The following CYFIP2 variants were observed in gnomAD, a reference collection of about 807,000 sequenced individuals.
The protein encoded by CYFIP2 is cytoplasmic FMR1-interacting protein 2.
A neutral mutation model predicts 158.7 loss-of-function variants in CYFIP2; 29 were observed. That is an observed-to-expected ratio of 0.18 (90% CI 0.14 to 0.25). CYFIP2 has a LOEUF of 0.25. Ranked by LOEUF, CYFIP2 falls within the 10% of genes least tolerant of loss-of-function variation. CYFIP2 has a pLI of 1.00. For missense variants in CYFIP2, 852 were observed against 1,639.5 expected (o/e 0.52, Z 8.29); for synonymous variants, 585 against 617.6 (o/e 0.95, Z 0.78).
rs1311145587 is a variant in CYFIP2, at chr5:157,394,019, A to C, written c.*1019A>C. ...AATTGTCAATGAGCTTTTAATACCAAGATACACCCCCTGCCCCCAAAGAAG... is the reference window on the plus strand; with the variant it reads ...AATTGTCAATGAGCTTTTAATACCACGATACACCCCCTGCCCCCAAAGAAG... On this transcript the variant is annotated 3_prime_UTR_variant, in exon 31 of 31. Coordinates refer to ENST00000620254, the MANE Select transcript of CYFIP2 (RefSeq NM_001037333.3). 1.3e-5 allele frequency: 2 copies of C among 152,202 alleles called. No homozygotes were observed. Among genetic ancestry groups the C allele is most frequent in the Admixed American group, 1.3e-4 (2 of 15,284 alleles). The allele number at this position is 152,202 out of a possible 1,614,324, so 9.4% of individuals were successfully genotyped here. A position where few individuals can be genotyped will look rare whatever the true frequency, so the allele number is the denominator to read the frequency against.
chr5:157,337,295 C>A (rs1761924937), intron 21 of CYFIP2, among the ~76,000 whole-genome samples: 1 of 152,148 alleles, frequency 6.6e-6, no homozygotes, highest in Non-Finnish European at 1.5e-5. Context: ...GATGCTGTTC[C>A]AGAATTGAAA....
intron 24 of CYFIP2, 59 bp from the exon 25 acceptor site, chr5:157,360,223 C>T (rs994695267): frequency 9.8e-5 from 142 of 1,443,840 alleles, no homozygotes; most frequent in Non-Finnish European, 1.3e-4. Context: ...CTCAGCATAA[C>T]CTCCATACCC....
Position 157,311,696 on chromosome 5 carries a change from A to G in CYFIP2, c.1025A>G (p.Gln342Arg), listed in dbSNP as rs748322670. 2 of 1,610,958 alleles carry G rather than the reference A, an allele frequency of 1.2e-6. No individual in the cohort carries two copies. The highest frequency in any genetic ancestry group is 1.7e-6 in the Non-Finnish European group (2 of 1,178,634). ...TGCACCCAGAGCAGCATCAGCCCCC[A>G]GTACAATATCTGCGAGCAGATGGTT... is the stretch of plus-strand genomic sequence containing the variant. Reference protein sequence around the residue: ...WTCTQSSISPQYNICEQMVQI... With the variant: ...WTCTQSSISPRYNICEQMVQI... Residue 342 changes from glutamine to arginine, a missense_variant, in exon 11 of 31, where the codon CAG becomes CGG. By Grantham distance (43) the Gln-to-Arg change is conservative (BLOSUM62 1). Transcript: ENST00000620254. This position sits in a 1 kb window ranked among gnomAD's most constrained non-coding sequence, Gnocchi z 4.7.
intron 26 of CYFIP2, chr5:157,364,264 T>C (rs986212838): frequency 2.0e-5 from 3 of 151,892 alleles, no homozygotes; most frequent in Admixed American, 2.0e-4. Flanking sequence ...GCACCTCTTT[T>C]CATGAGGAAC....
rs1307437850 is a variant in CYFIP2, at chr5:157,334,943, C to T, written c.2385+1497C>T. 3.9e-5 allele frequency among the ~76,000 whole-genome samples: 6 copies of T among 152,316 alleles called. No individual in the cohort carries two copies. The East Asian group carries it at 1.2e-3, about 29-fold the overall frequency. On this transcript the variant is annotated intron_variant, in intron 21 of 30. Coordinates refer to ENST00000620254, the MANE Select transcript of CYFIP2 (RefSeq NM_001037333.3). ...TTTGATGATTGCACTATGGTTCCGC[C>T]AGATGTTAACAGTGGGGAAGCTGGG...
chr5:157,328,348 A>C (rs1418169971), intron 19 of CYFIP2, among the ~76,000 whole-genome samples: 1 of 152,214 alleles, frequency 6.6e-6, no homozygotes, highest in Admixed American at 6.5e-5. Flanking sequence ...TACGATGGTT[A>C]AACCTTTGGG....
chr5:157,331,347 C>T (rs1241013234), intron 20 of CYFIP2, among the ~76,000 whole-genome samples: 2 of 150,152 alleles, frequency 1.3e-5, no homozygotes, highest in East Asian at 3.9e-4. Flanking sequence ...TGAGAAACAT[C>T]CCCATTTAAT....
chr5:157,355,782 CAGG>C (rs1322584579), intron 23 of CYFIP2, among the ~76,000 whole-genome samples: 3 of 152,158 alleles, frequency 2.0e-5, no homozygotes, highest in African/African-American at 7.2e-5. Flanking sequence ...GCTGGGTTTA[CAGG>C]AGAAGCCTAG....
At chr5:157,298,670 A>G (rs1049991363) in intron 5 of CYFIP2, among the ~76,000 whole-genome samples, 5 of 152,030 alleles carry the variant, frequency 3.3e-5, no homozygotes, top group African/African-American at 7.2e-5. Flanking sequence ...GAACATCTTC[A>G]TTACCCCAAA....
At chr5:157,369,608 A>G (rs1405190100) in intron 26 of CYFIP2, among the ~76,000 whole-genome samples, 1 of 152,200 alleles carries the variant, frequency 6.6e-6, no homozygotes, top group Non-Finnish European at 1.5e-5. Context: ...TGTGAGCCTT[A>G]CCAGTAACTG....
intron 21 of CYFIP2, among the ~76,000 whole-genome samples, chr5:157,337,378 C>T (rs749501071): frequency 1.3e-5 from 2 of 152,156 alleles, no homozygotes; most frequent in African/African-American, 4.8e-5. Flanking sequence ...AGCGGTCAGA[C>T]GGGGTATCAG....
Position 157,393,505 on chromosome 5 carries a change from G to A in CYFIP2, c.*505G>A, listed in dbSNP as rs930685010. The A allele has an allele frequency of 3.3e-5, 5 of 152,706 alleles. No homozygotes were observed. Among genetic ancestry groups the A allele is most frequent in the African/African-American group, 9.7e-5 (4 of 41,450 alleles). The allele number at this position is 152,706 out of a possible 1,614,324, so 9.5% of individuals were successfully genotyped here. A position where few individuals can be genotyped will look rare whatever the true frequency, so the allele number is the denominator to read the frequency against. On this transcript the variant is annotated 3_prime_UTR_variant, in exon 31 of 31. Coordinates refer to ENST00000620254, the MANE Select transcript of CYFIP2 (RefSeq NM_001037333.3). ...CCTGGTTCCCTCCCTGCAGTGCCCC[G>A]GGTGTCATCTTCTCCCACTCTGGGT...
intron 26 of CYFIP2, chr5:157,376,111 G>GCC (rs1240966106): frequency 7.7e-6 from 1 of 130,408 alleles, no homozygotes; most frequent in Non-Finnish European, 1.6e-5. Context: ...TCAAAACCCT[G>GCC]CCCCTCCTCT....
Position 157,358,966 on chromosome 5 carries a change from G to A in CYFIP2, c.2674-39G>A. 1.9e-6 allele frequency: 3 copies of A among 1,613,380 alleles called. No individual in the cohort carries two copies. The South Asian group carries it at 3.3e-5, about 18-fold the overall frequency. On this transcript the variant is annotated intron_variant, in intron 23 of 30. Transcript: ENST00000620254. ...CCAGGACTCCACCAGTGTCCATTCA[G>A]TACTCAGGCACTTATTTGCCACTAC... is the stretch of plus-strand genomic sequence containing the variant.
intron 26 of CYFIP2, among the ~76,000 whole-genome samples, chr5:157,375,414 GCT>G (rs1412482727): frequency 6.6e-6 from 1 of 152,144 alleles, no homozygotes; most frequent in Non-Finnish European, 1.5e-5. Flanking sequence ...GTTGCATGAG[GCT>G]CTCTCAGCCT....
intron 3 of CYFIP2, among the ~76,000 whole-genome samples, chr5:157,289,284 G>A (rs1295292413): frequency 6.6e-6 from 1 of 152,198 alleles, no homozygotes; most frequent in Non-Finnish European, 1.5e-5. Flanking sequence ...AAAGGCACAG[G>A]GCAAGGATTT....
intron 1 of CYFIP2, among the ~76,000 whole-genome samples, chr5:157,282,761 G>A (rs1462926053): frequency 1.3e-5 from 2 of 152,182 alleles, no homozygotes; most frequent in African/African-American, 4.8e-5. Context: ...CTTGCCAACA[G>A]CATGTGTAGT....
chr5:157,352,400 C>G (rs1031874765), intron 23 of CYFIP2, among the ~76,000 whole-genome samples: 5 of 152,222 alleles, frequency 3.3e-5, no homozygotes, highest in African/African-American at 4.8e-5. Flanking sequence ...GCCAACACTG[C>G]CCGCCTGGGC....
intron 23 of CYFIP2, among the ~76,000 whole-genome samples, chr5:157,352,409 G>A (rs2113317215): frequency 6.6e-6 from 1 of 152,320 alleles, no homozygotes; most frequent in Admixed American, 6.5e-5. Context: ...GCCCGCCTGG[G>A]CTGACCAGGG....
Sources: gnomAD v4.1 joint callset for allele counts (sites outside exome capture counted in the v4.1 genomes callset) on GRCh38, gnomAD v4.1.1 for gene constraint, Gnocchi (gnomAD v3.1) non-coding constraint, MANE v1.5 for transcripts, NCBI Gene and HGNC (gene_info 2026-07-23, HGNC 2026-07-21) for gene names.